PTPRO: variants seen among roughly 807,000 people sequenced by gnomAD.
PTPRO encodes receptor-type tyrosine-protein phosphatase O.
In PTPRO, 62 loss-of-function variants were observed where a neutral mutation model predicts 145.2. That is an observed-to-expected ratio of 0.43 (90% CI 0.35 to 0.53). The LOEUF (loss-of-function observed/expected upper bound fraction) is 0.53. Ranked by LOEUF, PTPRO falls within the 20% of genes least tolerant of loss-of-function variation. The pLI is 0.01. For missense variants in PTPRO, 1,345 were observed against 1,482.7 expected (o/e 0.91, Z 1.53); for synonymous variants, 565 against 514.7 (o/e 1.10, Z -1.32).
intron 1 of PTPRO, among the ~76,000 whole-genome samples, chr12:15,417,912 T>C (rs973568492): frequency 1.3e-5 from 2 of 151,732 alleles, no homozygotes; most frequent in African/African-American, 2.4e-5. Context: ...GCTGGGAGTG[T>C]GGCCTAAAGC....
chr12:15,408,707 C>T (rs776204567), intron 1 of PTPRO, among the ~76,000 whole-genome samples: 1 of 152,142 alleles, frequency 6.6e-6, no homozygotes, highest in African/African-American at 2.4e-5. Flanking sequence ...GGATTACAGG[C>T]GTGAGCCACC....
At chr12:15,364,089 G>C (rs1464127973) in intron 1 of PTPRO, among the ~76,000 whole-genome samples, 1 of 152,102 alleles carries the variant, frequency 6.6e-6, no homozygotes, top group African/African-American at 2.4e-5. Context: ...ACTGACCATT[G>C]TGTAATAGAG....
intron 1 of PTPRO, among the ~76,000 whole-genome samples, chr12:15,360,975 T>TGTATATACACACAC (rs1938186971): frequency 1.4e-5 from 2 of 145,498 alleles, no homozygotes; most frequent in Non-Finnish European, 3.0e-5. Context: ...TATACACACG[T>TGTATATACACACAC]ATATATACAC....
At chr12:15,568,147 A>G (rs530559882) in intron 18 of PTPRO, among the ~76,000 whole-genome samples, 1 of 152,282 alleles carries the variant, frequency 6.6e-6, no homozygotes, top group Admixed American at 6.5e-5. Context: ...GACCACAGTT[A>G]GGCCAGGTGC....
At chr12:15,410,861 T>C (rs1350679757) in intron 1 of PTPRO, 2 of 152,174 alleles carry the variant, frequency 1.3e-5, no homozygotes, top group East Asian at 3.9e-4. Flanking sequence ...ATTGAAACAA[T>C]AATAGTTTAA....
chr12:15,460,983 C>T (rs1941287971), intron 1 of PTPRO, among the ~76,000 whole-genome samples: 1 of 152,156 alleles, frequency 6.6e-6, no homozygotes, highest in African/African-American at 2.4e-5. Flanking sequence ...CCAGGGCACT[C>T]TTAAATTTTA....
In PTPRO at chr12:15,465,490, A is replaced by G. The variant is rs534437179; in HGVS notation, c.76-18484A>G. Among the ~76,000 whole-genome samples, 3 of 152,352 alleles carry G rather than the reference A, an allele frequency of 2.0e-5. No homozygotes were observed. In the East Asian group the frequency reaches 5.8e-4, roughly 29 times the overall value. On this transcript the variant is annotated intron_variant, in intron 1 of 26. Coordinates refer to ENST00000281171, the MANE Select transcript of PTPRO (RefSeq NM_030667.3). Reference sequence around the variant, plus strand: ...AGAAGAGACATTTAAAATTACTTCTACGTCTTACTCTAAGAACAATCTGCC... The same window carrying G: ...AGAAGAGACATTTAAAATTACTTCTGCGTCTTACTCTAAGAACAATCTGCC...
Position 15,440,288 on chromosome 12 carries a change from C to T in PTPRO, c.76-43686C>T, listed in dbSNP as rs774521941. On this transcript the variant is annotated intron_variant, in intron 1 of 26. Transcript: ENST00000281171. ...CTACAGCTACCTGACCCCCAACCTC[C>T]GGAAGGAGACTGTATTCACCATGTC... 1.8e-4 allele frequency: 102 copies of T among 567,818 alleles called. No individual in the cohort carries two copies. In the Middle Eastern group the frequency reaches 3.6e-3, roughly 20 times the overall value. 35.2% of individuals were successfully genotyped at this position (567,818 alleles called of 1,614,324 possible). A position where few individuals can be genotyped will look rare whatever the true frequency, so the allele number is the denominator to read the frequency against.
At chr12:15,557,114 C>A (rs1326261861) in intron 15 of PTPRO, among the ~76,000 whole-genome samples, 1 of 151,138 alleles carries the variant, frequency 6.6e-6, no homozygotes, top group African/African-American at 2.4e-5. Flanking sequence ...GATCTCTGCT[C>A]ACCACAACCT....
intron 1 of PTPRO, among the ~76,000 whole-genome samples, chr12:15,414,208 G>T (rs2136316864): frequency 6.6e-6 from 1 of 152,316 alleles, no homozygotes; most frequent in Non-Finnish European, 1.5e-5. Flanking sequence ...TTAGAGGAGT[G>T]TTCTTCAACT....
intron 1 of PTPRO, among the ~76,000 whole-genome samples, chr12:15,370,019 T>C (rs2136256667): frequency 6.6e-6 from 1 of 151,786 alleles, no homozygotes; most frequent in East Asian, 1.9e-4. Flanking sequence ...CCCACTCCAC[T>C]CCAGCCTGGG....
At position 15,370,394 on chromosome 12, in the gene PTPRO, T is replaced by A. The variant is rs528737610; in HGVS notation, c.75+47593T>A. ...ACAAATCTGTAACCCCCAAATAAATTCCAAAGTGATTAAAGTCATAATTGC... is the reference window on the plus strand; with the variant it reads ...ACAAATCTGTAACCCCCAAATAAATACCAAAGTGATTAAAGTCATAATTGC... On this transcript the variant is annotated intron_variant, in intron 1 of 26. Coordinates refer to ENST00000281171, the MANE Select transcript of PTPRO (RefSeq NM_030667.3). Among the ~76,000 whole-genome samples, 5 of 152,250 alleles carry A rather than the reference T, an allele frequency of 3.3e-5. No homozygotes were observed. In the South Asian group the frequency reaches 6.2e-4, roughly 19 times the overall value.
chr12:15,570,586 T>C, intron 19 of PTPRO, among the ~76,000 whole-genome samples: 1 of 152,158 alleles, frequency 6.6e-6, no homozygotes, highest in East Asian at 1.9e-4. Context: ...ATCCATTGTA[T>C]CCAGGTGCAT....
At chr12:15,557,689 A>T (rs538410970) in intron 16 of PTPRO, among the ~76,000 whole-genome samples, 166 bp downstream of exon 16, 2 of 152,184 alleles carry the variant, frequency 1.3e-5, no homozygotes, top group Admixed American at 1.3e-4. Flanking sequence ...AATGGTTTAT[A>T]TAAGCTCAGT....
At chr12:15,365,578 A>T (rs1938335729) in intron 1 of PTPRO, among the ~76,000 whole-genome samples, 1 of 152,162 alleles carries the variant, frequency 6.6e-6, no homozygotes, top group Non-Finnish European at 1.5e-5. Flanking sequence ...CTATTGTCTG[A>T]ATTTTTCATT....
At chr12:15,571,168 C>T (rs919591120) in intron 19 of PTPRO, among the ~76,000 whole-genome samples, 1 of 152,194 alleles carries the variant, frequency 6.6e-6, no homozygotes, top group Non-Finnish European at 1.5e-5. Context: ...CTGCTTCTCT[C>T]TCTGTTTTGG....
chr12:15,429,375 G>A (rs1591803557), intron 1 of PTPRO, among the ~76,000 whole-genome samples: 1 of 152,240 alleles, frequency 6.6e-6, no homozygotes, highest in Admixed American at 6.5e-5. Flanking sequence ...AATGTGTCAC[G>A]GAAGGACTTT....
intron 1 of PTPRO, among the ~76,000 whole-genome samples, chr12:15,381,685 G>T (rs556727301): frequency 7.2e-5 from 11 of 152,056 alleles, no homozygotes; most frequent in African/African-American, 2.7e-4. Flanking sequence ...TCTCCCTTTC[G>T]CAGCTCCCAT....
intron 23 of PTPRO, among the ~76,000 whole-genome samples, chr12:15,583,086 A>G (rs867965329): frequency 1.3e-5 from 2 of 152,216 alleles, no homozygotes; most frequent in Non-Finnish European, 2.9e-5. Context: ...AATCCTTTCT[A>G]ATAGTTAAGG....
Sources: allele counts gnomAD v4.1 joint callset (sites outside exome capture counted in the v4.1 genomes callset), GRCh38; gene constraint gnomAD v4.1.1; transcripts MANE v1.5; gene names NCBI Gene and HGNC (gene_info 2026-07-23, HGNC 2026-07-21).